The following PLEKHM3 variants were observed in gnomAD, a reference collection of about 807,000 sequenced individuals.
PLEKHM3 encodes the protein pleckstrin homology domain-containing family M member 3.
In PLEKHM3, 45 loss-of-function variants were observed where a neutral mutation model predicts 81.8. The observed-to-expected ratio is 0.55, with a 90% CI of 0.43 to 0.71. The LOEUF (loss-of-function observed/expected upper bound fraction) is 0.71. Among genes scored for constraint, PLEKHM3 ranks in the 30% least tolerant of loss-of-function variants. The pLI, the probability that PLEKHM3 is intolerant of heterozygous loss-of-function variation, is 0.00. For synonymous variants in PLEKHM3, 352 were observed against 356.4 expected, an observed-to-expected ratio of 0.99 and a Z score of 0.14; for missense variants, 788 against 924.3, an observed-to-expected ratio of 0.85 and a Z score of 1.91.
intron 2 of PLEKHM3, 61 bp from the exon 3 acceptor site, chr2:207,977,647 G>A: frequency 7.0e-7 from 1 of 1,425,454 alleles, no homozygotes; most frequent in Non-Finnish European, 9.6e-7. Flanking sequence ...GCAGGCACAA[G>A]AAACCACACA....
intron 3 of PLEKHM3, among the ~76,000 whole-genome samples, chr2:207,972,586 CAAA>C (rs35602924): frequency 6.7e-5 from 4 of 59,606 alleles, no homozygotes; most frequent in Non-Finnish European, 1.1e-4. Flanking sequence ...GACTCCGTCT[CAAA>C]AAAAAAAAAA....
At chr2:207,857,760 A>G (rs1243153118) in intron 7 of PLEKHM3, among the ~76,000 whole-genome samples, 1 of 151,992 alleles carries the variant, frequency 6.6e-6, no homozygotes, top group Non-Finnish European at 1.5e-5. Flanking sequence ...GGTAGCTAAA[A>G]GGTTGTTAAC....
At chr2:207,897,879 A>G (rs182117812) in intron 6 of PLEKHM3, among the ~76,000 whole-genome samples, 3 of 152,300 alleles carry the variant, frequency 2.0e-5, no homozygotes, top group Non-Finnish European at 4.4e-5. Flanking sequence ...GCTTAAGGGA[A>G]TGTAGGGCTT....
intron 6 of PLEKHM3, among the ~76,000 whole-genome samples, chr2:207,895,794 T>C (rs1688205954): frequency 1.3e-5 from 2 of 152,352 alleles, no homozygotes; most frequent in African/African-American, 4.8e-5. Context: ...TTATTTTAAC[T>C]GCCACTGAAT....
At chr2:207,873,745 A>G (rs1274850906) in intron 6 of PLEKHM3, among the ~76,000 whole-genome samples, 1 of 152,210 alleles carries the variant, frequency 6.6e-6, no homozygotes, top group African/African-American at 2.4e-5. Flanking sequence ...CCTTTCATCA[A>G]TGCATTTAAT....
intron 3 of PLEKHM3, among the ~76,000 whole-genome samples, chr2:207,972,812 G>A (rs1161555283): frequency 1.3e-5 from 2 of 152,116 alleles, no homozygotes; most frequent in African/African-American, 4.8e-5. Flanking sequence ...CTGCAGGGCT[G>A]TTTAAATTTT....
At chr2:207,956,277 C>T (rs1690503558) in intron 3 of PLEKHM3, among the ~76,000 whole-genome samples, 1 of 151,904 alleles carries the variant, frequency 6.6e-6, no homozygotes, top group East Asian at 1.9e-4. Flanking sequence ...CCAGCCTGGC[C>T]AACATGGTGA....
At chr2:208,014,752 C>T (rs1445454711) in intron 1 of PLEKHM3, among the ~76,000 whole-genome samples, 2 of 152,236 alleles carry the variant, frequency 1.3e-5, no homozygotes, top group African/African-American at 4.8e-5. Flanking sequence ...ATTAGCATGG[C>T]ATAGATTTTT....
intron 3 of PLEKHM3, among the ~76,000 whole-genome samples, chr2:207,950,598 C>T (rs759202076): frequency 2.0e-5 from 3 of 152,140 alleles, no homozygotes; most frequent in Non-Finnish European, 2.9e-5. Flanking sequence ...CCAACCCACA[C>T]GCGGGACGTT....
At chr2:207,923,818 G>GAT (rs1228140143) in intron 5 of PLEKHM3, among the ~76,000 whole-genome samples, 1 of 131,810 alleles carries the variant, frequency 7.6e-6, no homozygotes, top group Admixed American at 8.0e-5. Flanking sequence ...TGACCACATG[G>GAT]ATATATATAC....
At chr2:207,832,629 T>C (rs2092294867) in intron 7 of PLEKHM3, among the ~76,000 whole-genome samples, 1 of 151,308 alleles carries the variant, frequency 6.6e-6, no homozygotes, top group African/African-American at 2.4e-5. Context: ...CCGTCTCTAC[T>C]AAAAATACAA....
At chr2:207,865,796 AAAAAAAGATATATATATATAT>A (rs2092493808) in intron 6 of PLEKHM3, among the ~76,000 whole-genome samples, 1 of 45,444 alleles carries the variant, frequency 2.2e-5, no homozygotes, top group African/African-American at 1.1e-4. Flanking sequence ...AAAAAAAAAA[AAAAAAAGATATATATATATAT>A]ATATATATAT....
chr2:207,975,073 C>A (rs1691260509), intron 3 of PLEKHM3, among the ~76,000 whole-genome samples: 1 of 152,068 alleles, frequency 6.6e-6, no homozygotes, highest in Non-Finnish European at 1.5e-5. Flanking sequence ...TGTGATCCGC[C>A]CGCCTCGGCC....
intron 4 of PLEKHM3, among the ~76,000 whole-genome samples, chr2:207,942,483 C>T (rs2105961429): frequency 6.6e-6 from 1 of 152,264 alleles, no homozygotes. Context: ...CTGCACTCCA[C>T]ACCTTGAAAA....
rs546229108 is a variant in PLEKHM3 at position 207,924,208 on chromosome 2, A to G, written c.1886+6718T>C. Among the ~76,000 whole-genome samples the G allele has an allele frequency of 2.0e-5, 3 of 151,838 alleles. No individual in the cohort carries two copies. The South Asian group carries it at 6.3e-4, about 32-fold the overall frequency. On this transcript the variant is annotated intron_variant, in intron 5 of 7. Coordinates refer to ENST00000427836, the MANE Select transcript of PLEKHM3 (RefSeq NM_001080475.3). ...GTGTGAGCTGCTGCGCCTGGCCCAC[A>G]TGGATATATTTTTCAGGGAAAAAAT...
At chr2:207,953,438 T>C (rs1421955046) in intron 3 of PLEKHM3, among the ~76,000 whole-genome samples, 1 of 152,180 alleles carries the variant, frequency 6.6e-6, no homozygotes, top group Non-Finnish European at 1.5e-5. Flanking sequence ...ACAAATTTTA[T>C]AGCAGTGAGA....
intron 6 of PLEKHM3, among the ~76,000 whole-genome samples, chr2:207,904,214 G>C (rs1187081472): frequency 6.6e-6 from 1 of 152,068 alleles, no homozygotes; most frequent in Non-Finnish European, 1.5e-5. Flanking sequence ...AGTACCTTCT[G>C]TTAAAGTTAT....
intron 3 of PLEKHM3, among the ~76,000 whole-genome samples, chr2:207,962,582 C>T (rs1047641690): frequency 5.3e-5 from 8 of 152,202 alleles, no homozygotes; most frequent in African/African-American, 1.9e-4. Context: ...GCCAGTCAGT[C>T]ACTGTGCAGG....
chr2:207,924,666 CAGAG>C (rs949176969), intron 5 of PLEKHM3, among the ~76,000 whole-genome samples: 9 of 152,218 alleles, frequency 5.9e-5, no homozygotes, highest in African/African-American at 2.2e-4. Flanking sequence ...ACCTGGGTGA[CAGAG>C]AGAGACTCTG....
Sources: allele counts gnomAD v4.1 joint callset (sites outside exome capture counted in the v4.1 genomes callset), GRCh38; gene constraint gnomAD v4.1.1; transcripts MANE v1.5; gene names NCBI Gene and HGNC (gene_info 2026-07-23, HGNC 2026-07-21).